The following CADPS variants were observed in gnomAD, a reference collection of about 807,000 sequenced individuals.
CADPS encodes the protein calcium dependent secretion activator, also known as calcium-dependent secretion activator 1.
Under a neutral mutation model 167.3 loss-of-function variants are expected in CADPS, and 57 were observed. That is an observed-to-expected ratio of 0.34 (90% CI 0.28 to 0.42). The LOEUF (loss-of-function observed/expected upper bound fraction) is 0.42. Among genes scored for constraint, CADPS ranks in the 20% least tolerant of loss-of-function variants. The probability of loss-of-function intolerance (pLI) is 1.00; values close to 1 mark genes in which losing one functional copy is unlikely to be tolerated. For missense variants in CADPS, 1,414 were observed against 1,738.1 expected (o/e 0.81, Z 3.32); for synonymous variants, 676 against 635.3 (o/e 1.06, Z -0.96).
In CADPS at chr3:62,478,551, G is replaced by A; in HGVS notation, c.3174-135C>T. On this transcript the variant is annotated intron_variant, in intron 22 of 29. Coordinates refer to ENST00000383710, the MANE Select transcript of CADPS (RefSeq NM_003716.4). The surrounding 1 kb of genome is among the most constrained non-coding windows in gnomAD (Gnocchi z 5.7). Reference sequence around the variant, plus strand: ...AAAACAACGTGTGTTGGCGGTGGAGGCGGGGGCGAGTCTCCACCGGCAGAT... The same window carrying A: ...AAAACAACGTGTGTTGGCGGTGGAGACGGGGGCGAGTCTCCACCGGCAGAT... 5.2e-6 allele frequency: 4 copies of A among 769,432 alleles called. No individual in the cohort carries two copies. Among genetic ancestry groups the A allele is most frequent in the Non-Finnish European group, 8.3e-6 (4 of 484,270 alleles). The allele number at this position is 769,432 out of a possible 1,614,324, so 47.7% of individuals were successfully genotyped here.
At chr3:62,578,224 C>T (rs1181187779) in intron 8 of CADPS, among the ~76,000 whole-genome samples, 1 of 146,492 alleles carries the variant, frequency 6.8e-6, no homozygotes, top group East Asian at 2.0e-4. Flanking sequence ...GCTGGAGGGG[C>T]TATATCACTG....
At chr3:62,769,567 C>T (rs1465100432) in intron 1 of CADPS, among the ~76,000 whole-genome samples, 2 of 152,074 alleles carry the variant, frequency 1.3e-5, no homozygotes, top group Non-Finnish European at 2.9e-5. Flanking sequence ...CATACTATTC[C>T]CTTGAGAATG....
chr3:62,775,216 T>C (rs1052356869), intron 1 of CADPS, among the ~76,000 whole-genome samples: 6 of 31,088 alleles, frequency 1.9e-4, no homozygotes, highest in African/African-American at 5.5e-4. Context: ...TTTTGTATTT[T>C]TGTATTTTTT....
intron 6 of CADPS, among the ~76,000 whole-genome samples, chr3:62,633,784 G>A (rs2065752785): frequency 6.6e-6 from 1 of 152,040 alleles, no homozygotes; most frequent in Non-Finnish European, 1.5e-5. Flanking sequence ...ATGCTAAATG[G>A]GCTGAGGATT....
At position 62,563,903 on chromosome 3, in the gene CADPS, C is replaced by CAT. The variant is rs547379102; in HGVS notation, c.1645-6392_1645-6391dup. Among the ~76,000 whole-genome samples, 48 of 152,186 alleles carry CAT rather than the reference C, an allele frequency of 3.2e-4. No individual in the cohort carries two copies. The East Asian group carries it at 3.9e-3, about 12-fold the overall frequency. On this transcript the variant is annotated intron_variant, in intron 9 of 29. Coordinates refer to ENST00000383710, the MANE Select transcript of CADPS (RefSeq NM_003716.4). ...TTTTTATGGATGAGTAGTATTCCAT[C>CAT]ATATATATATAACATTCTGTATGCA... is the stretch of plus-strand genomic sequence containing the variant.
At chr3:62,402,586 A>G (rs980726825) in intron 29 of CADPS, among the ~76,000 whole-genome samples, 1 of 152,242 alleles carries the variant, frequency 6.6e-6, no homozygotes, top group African/African-American at 2.4e-5. Flanking sequence ...ATTTGATTGT[A>G]TACACGCATT....
chr3:62,458,077 T>C lies in CADPS; in HGVS notation c.3636+7290A>G, dbSNP rs960181033. On this transcript the variant is annotated intron_variant, in intron 26 of 29. Transcript: ENST00000383710. This position sits in a 1 kb window ranked among gnomAD's most constrained non-coding sequence, Gnocchi z 4.6. Reference sequence around the variant, plus strand: ...CACATGTATCCCAGAACTTGAAGTATAATTTAAAAAAAAATTTTTAAAAAA... The same window carrying C: ...CACATGTATCCCAGAACTTGAAGTACAATTTAAAAAAAAATTTTTAAAAAA... Among the ~76,000 whole-genome samples, 10 of 152,298 alleles carry C rather than the reference T, an allele frequency of 6.6e-5. No individual in the cohort carries two copies. Among genetic ancestry groups the C allele is most frequent in the African/African-American group, 1.2e-4 (5 of 41,544 alleles).
chr3:62,547,675 T>C (rs1427357210), intron 11 of CADPS, among the ~76,000 whole-genome samples: 2 of 147,170 alleles, frequency 1.4e-5, no homozygotes, highest in Non-Finnish European at 3.0e-5. Flanking sequence ...AGAGTAGTGA[T>C]ACACATCAAG....
intron 1 of CADPS, among the ~76,000 whole-genome samples, chr3:62,847,286 T>C (rs1265958505): frequency 7.0e-6 from 1 of 143,782 alleles, no homozygotes; most frequent in African/African-American, 2.9e-5. Flanking sequence ...TTTAACTTTT[T>C]TTTTTTTATA....
chr3:62,510,667 T>C (rs1213072905), intron 17 of CADPS, among the ~76,000 whole-genome samples: 1 of 152,158 alleles, frequency 6.6e-6, no homozygotes, highest in Non-Finnish European at 1.5e-5. Context: ...AAGCATAGTC[T>C]GACTAAAGGA....
chr3:62,629,271 T>C (rs2064790767), intron 6 of CADPS, among the ~76,000 whole-genome samples: 2 of 152,188 alleles, frequency 1.3e-5, no homozygotes, highest in Non-Finnish European at 2.9e-5. Flanking sequence ...TTTGTGTCTG[T>C]TTGTAGTCAA....
intron 26 of CADPS, among the ~76,000 whole-genome samples, chr3:62,461,328 A>G (rs2059324980): frequency 1.3e-5 from 2 of 152,192 alleles, no homozygotes; most frequent in African/African-American, 4.8e-5. Flanking sequence ...GGAGATTAAA[A>G]GCCAAGATGT....
intron 3 of CADPS, among the ~76,000 whole-genome samples, chr3:62,723,952 G>C (rs1331734552): frequency 2.6e-5 from 4 of 152,218 alleles, no homozygotes; most frequent in African/African-American, 7.2e-5. Context: ...AAGAGCACTG[G>C]GTGGAGGGTG....
At chr3:62,560,219 G>T (rs1353304228) in intron 9 of CADPS, among the ~76,000 whole-genome samples, 5 of 152,126 alleles carry the variant, frequency 3.3e-5, no homozygotes, top group East Asian at 1.9e-4. Context: ...TGGAAATTTT[G>T]GGGGGAATCT....
At chr3:62,869,373 G>A (rs1176462899) in intron 1 of CADPS, among the ~76,000 whole-genome samples, 1 of 152,010 alleles carries the variant, frequency 6.6e-6, no homozygotes, top group Non-Finnish European at 1.5e-5. Context: ...CTTGTGCTGG[G>A]TTTCTGTCAC....
intron 1 of CADPS, among the ~76,000 whole-genome samples, chr3:62,849,141 T>C (rs937998746): frequency 6.6e-6 from 1 of 151,332 alleles, no homozygotes; most frequent in Non-Finnish European, 1.5e-5. Flanking sequence ...CCTGAGACTT[T>C]GCTGAAGTTG....
chr3:62,735,498 A>G (rs1334838893), intron 3 of CADPS, among the ~76,000 whole-genome samples: 1 of 152,170 alleles, frequency 6.6e-6, no homozygotes, highest in Non-Finnish European at 1.5e-5. Flanking sequence ...CATGTCTTAA[A>G]TATTATATAA....
chr3:62,615,714 T>A (rs1471774316), intron 6 of CADPS, among the ~76,000 whole-genome samples: 1 of 151,870 alleles, frequency 6.6e-6, no homozygotes, highest in East Asian at 1.9e-4. Context: ...ACACCCCCAA[T>A]ACACACCCAC....
intron 12 of CADPS, chr3:62,536,040 A>AC (rs2074624714): frequency 6.4e-6 from 1 of 156,708 alleles, no homozygotes; most frequent in South Asian, 2.0e-4. Context: ...AAGAAAATAC[A>AC]CAAAGAGAAT....
Sources: allele counts gnomAD v4.1 joint callset (sites outside exome capture counted in the v4.1 genomes callset), GRCh38; gene constraint gnomAD v4.1.1; non-coding constraint Gnocchi (gnomAD v3.1); transcripts MANE v1.5; gene names NCBI Gene and HGNC (gene_info 2026-07-23, HGNC 2026-07-21).